The following AURKC variants were observed in gnomAD, a reference collection of about 807,000 sequenced individuals.
AURKC encodes aurora kinase C.
In AURKC, 15 loss-of-function variants were observed where a neutral mutation model predicts 29.2. The observed-to-expected ratio is 0.51, with a 90% CI of 0.34 to 0.79. The LOEUF (loss-of-function observed/expected upper bound fraction) is 0.79, where lower values mean the gene tolerates loss of function less well. Among genes scored for constraint, AURKC ranks in the 30% least tolerant of loss-of-function variants. The pLI is 0.01. For synonymous variants in AURKC, 150 were observed against 149.9 expected (o/e 1.00, Z -0.01); for missense variants, 332 against 383.2 (o/e 0.87, Z 1.12).
rs1294360255 is a variant in AURKC at position 57,232,302 on chromosome 19, AC to A, written c.296+81del. On this transcript the variant is annotated intron_variant, in intron 3 of 6. Coordinates refer to ENST00000302804, the MANE Select transcript of AURKC (RefSeq NM_001015878.2). The surrounding 1 kb of genome is among the most constrained non-coding windows in gnomAD (Gnocchi z 4.5). ...TTCCCCAAATACTAACCCCAAGTAA[AC>A]CCTGCACTTGTACCTTGAAGACTTC... The A allele has an allele frequency of 6.4e-7, 1 of 1,554,384 alleles. No individual in the cohort carries two copies. Among genetic ancestry groups the A allele is most frequent in the African/African-American group, 1.4e-5 (1 of 73,664 alleles).
Position 57,232,707 on chromosome 19 carries a change from G to A in AURKC, c.435+27G>A. The A allele has an allele frequency of 6.2e-7, 1 of 1,612,362 alleles. No homozygotes were observed. Among genetic ancestry groups the A allele is most frequent in the Non-Finnish European group, 8.5e-7 (1 of 1,180,004 alleles). On this transcript the variant is annotated intron_variant, in intron 4 of 6. Transcript: ENST00000302804. The surrounding 1 kb of genome is among the most constrained non-coding windows in gnomAD (Gnocchi z 4.5). The stretch of plus-strand genomic sequence containing the variant: ...TGAGGTGCGGGTCTGGAGGCTCTGG[G>A]GTCTCTGAGTTTACTGTGGGCTGGT...
rs763668016 is a variant in AURKC, at chr19:57,235,266, T to C, written c.779T>C (p.Leu260Pro). Residue 260 changes from leucine to proline, a missense_variant, in exon 7 of 7, where the codon CTA becomes CCA. Transcript: ENST00000302804. Reference sequence around the variant, plus strand: ...CATCAGGTAGATGTGAGGTTTCCACTATCAATGCCTCTGGGGGCCCGGGAC... The same window carrying C: ...CATCAGGTAGATGTGAGGTTTCCACCATCAATGCCTCTGGGGGCCCGGGAC... ...RILKVDVRFPLSMPLGARDLI... is the reference protein window; with the variant it reads ...RILKVDVRFPPSMPLGARDLI... 2 of 1,614,120 alleles carry C rather than the reference T, an allele frequency of 1.2e-6. No homozygotes were observed. The highest frequency in any genetic ancestry group is 8.5e-7 in the Non-Finnish European group (1 of 1,180,040).
chr19:57,233,599 C>T lies in AURKC; in HGVS notation c.575C>T (p.Pro192Leu), dbSNP rs778336053. Reference protein sequence around the residue: ...IADFGWSVHTPSLRRKTMCGT... With the variant: ...IADFGWSVHTLSLRRKTMCGT... Reference sequence around the variant, plus strand: ...GATTTTGGCTGGTCTGTGCACACCCCCTCCCTGAGGTAGGTCAGGTGGTGG... The same window carrying T: ...GATTTTGGCTGGTCTGTGCACACCCTCTCCCTGAGGTAGGTCAGGTGGTGG... The change falls in exon 5 of 7, where the codon CCC becomes CTC. Residue 192 changes from proline to leucine, a missense_variant. Physicochemically the swap from Pro to Leu is moderately conservative, Grantham distance 98. Coordinates refer to ENST00000302804, the MANE Select transcript of AURKC (RefSeq NM_001015878.2). The T allele has an allele frequency of 6.2e-6, 10 of 1,613,746 alleles. No homozygotes were observed. The highest frequency in any genetic ancestry group is 4.2e-6 in the Non-Finnish European group (5 of 1,180,002).
chr19:57,233,416 G>A, intron 4 of AURKC, 44 bp from the exon 5 acceptor site: 1 of 1,613,966 alleles, frequency 6.2e-7, no homozygotes, highest in Non-Finnish European at 8.5e-7. Flanking sequence ...GACGGAAATT[G>A]TGGCAGGCTT....
At position 57,233,524 on chromosome 19, in the gene AURKC, T is replaced by A. The variant is rs776978723; in HGVS notation, c.500T>A (p.Ile167Asn). The change falls in exon 5 of 7, where the codon ATT becomes AAT. Residue 167 changes from isoleucine (I) to asparagine (N), a missense_variant. Ile to Asn is a moderately radical substitution (Grantham distance 149). Transcript: ENST00000302804. ...GACAAGAAAGTGATTCACAGAGATA[T>A]TAAGCCAGAGAACCTGCTGCTGGGG... is the stretch of plus-strand genomic sequence containing the variant. Reference protein sequence around the residue: ...CHDKKVIHRDIKPENLLLGFR... With the variant: ...CHDKKVIHRDNKPENLLLGFR... 2 of 1,614,060 alleles carry A rather than the reference T, an allele frequency of 1.2e-6. No homozygotes were observed. The highest frequency in any genetic ancestry group is 1.7e-6 in the Non-Finnish European group (2 of 1,180,050).
intron 1 of AURKC, 158 bp downstream of exon 1, chr19:57,231,464 T>C: frequency 1.1e-6 from 1 of 898,474 alleles, no homozygotes. Flanking sequence ...AATTCTTTCT[T>C]TCACCTCTCC....
rs1599973438 is a variant in AURKC at position 57,232,758 on chromosome 19, A to G, written c.435+78A>G. 1 of 1,591,684 alleles carries G rather than the reference A, an allele frequency of 6.3e-7. No homozygotes were observed. The highest frequency in any genetic ancestry group is 2.2e-5 in the East Asian group (1 of 44,756). ...GGGAGCTCTGTTTGTGGCTGTCAGG[A>G]GGGTCCGCATTGCCTTCTGAGAAGT... On this transcript the variant is annotated intron_variant, in intron 4 of 6. Transcript: ENST00000302804. The surrounding 1 kb of genome is among the most constrained non-coding windows in gnomAD (Gnocchi z 4.5).
intron 5 of AURKC, 60 bp from the exon 6 acceptor site, chr19:57,234,824 A>G: frequency 1.5e-5 from 24 of 1,603,670 alleles, no homozygotes; most frequent in Non-Finnish European, 2.0e-5. Flanking sequence ...CTGGGGAAGG[A>G]GAATTTCCCT....
intron 4 of AURKC, among the ~76,000 whole-genome samples, chr19:57,233,252 A>G (rs939308665): frequency 1.3e-5 from 2 of 152,210 alleles, no homozygotes; most frequent in African/African-American, 4.8e-5. Flanking sequence ...ATCTGTGTCC[A>G]TGTTACCATC....
chr19:57,234,227 T>C (rs1475544552), intron 5 of AURKC, among the ~76,000 whole-genome samples: 1 of 151,900 alleles, frequency 6.6e-6, no homozygotes, highest in Non-Finnish European at 1.5e-5. Flanking sequence ...CCGGCTGATT[T>C]TGTATTTTTA....
chr19:57,234,396 G>A (rs921789771), intron 5 of AURKC, among the ~76,000 whole-genome samples: 7 of 152,154 alleles, frequency 4.6e-5, no homozygotes, highest in East Asian at 3.9e-4. Context: ...ATATGTATTC[G>A]TAGATTTAAA....
rs757456391 is a variant in AURKC, at chr19:57,235,361, TG to T, written c.877del (p.Val293PhefsTer47). On this transcript the variant is annotated frameshift_variant, in exon 7 of 7. Coordinates refer to ENST00000302804, the MANE Select transcript of AURKC (RefSeq NM_001015878.2). LOFTEE classifies it high-confidence loss of function. ...LPLAQILKHP[W>X]VQAHSRRVLP... is the part of the protein sequence containing the mutation. Reference sequence around the variant, plus strand: ...CCTGGCCCAGATCCTGAAGCACCCCTGGGTTCAGGCCCACTCCCGAAGGGTG... The same window carrying T: ...CCTGGCCCAGATCCTGAAGCACCCCTGGTTCAGGCCCACTCCCGAAGGGTG... 1 of 1,614,108 alleles carries T rather than the reference TG, an allele frequency of 6.2e-7. No individual in the cohort carries two copies. Among genetic ancestry groups the T allele is most frequent in the South Asian group, 1.1e-5 (1 of 91,078 alleles).
At position 57,235,533 on chromosome 19, in the gene AURKC, G is replaced by A; in HGVS notation, c.*116G>A. ...TGTAAGATGCTAATTAATAAAAGCT[G>A]AATCATTTCATACCAGCTCTTCATA... is the stretch of plus-strand genomic sequence containing the variant. On this transcript the variant is annotated 3_prime_UTR_variant, in exon 7 of 7. Coordinates refer to ENST00000302804, the MANE Select transcript of AURKC (RefSeq NM_001015878.2). 7.9e-7 allele frequency: 1 copy of A among 1,260,654 alleles called. No individual in the cohort carries two copies. Among genetic ancestry groups the A allele is most frequent in the Non-Finnish European group, 1.1e-6 (1 of 875,664 alleles). 78.1% of individuals were successfully genotyped at this position (1,260,654 alleles called of 1,614,324 possible).
chr19:57,232,653 G>C lies in AURKC; in HGVS notation c.408G>C (p.Glu136Asp). The C allele has an allele frequency of 6.2e-7, 1 of 1,614,014 alleles. No homozygotes were observed. Among genetic ancestry groups the C allele is most frequent in the Non-Finnish European group, 8.5e-7 (1 of 1,180,036 alleles). The change falls in exon 4 of 7, where the codon GAG (glutamate) becomes GAC (aspartate). Residue 136 changes from glutamate to aspartate, a missense_variant. By Grantham distance (45) the Glu-to-Asp change is conservative. Transcript: ENST00000302804. This position sits in a 1 kb window ranked among gnomAD's most constrained non-coding sequence, Gnocchi z 4.5. ...TCTACAAGGAGCTGCAGAAAAGCGA[G>C]AAATTAGATGAACAGCGCACAGCCA... ...GELYKELQKS[E>D]KLDEQRTATI...
In AURKC at chr19:57,232,136, G is replaced by T; in HGVS notation, c.208G>T (p.Ala70Ser). The T allele has an allele frequency of 3.1e-6, 5 of 1,614,074 alleles. No homozygotes were observed. The highest frequency in any genetic ancestry group is 4.2e-6 in the Non-Finnish European group (5 of 1,180,022). ...ARLKESHFIV[A>S]LKVLFKSQIE... ...GCTCAAGGAAAGCCATTTCATTGTG[G>T]CCCTGAAGGTTCTCTTCAAGTCGCA... The change falls in exon 3 of 7, where the codon GCC becomes TCC. Residue 70 changes from alanine (A) to serine (S), a missense_variant. By Grantham distance (99) the Ala-to-Ser change is moderately conservative (BLOSUM62 1). Transcript: ENST00000302804. The surrounding 1 kb of genome is among the most constrained non-coding windows in gnomAD (Gnocchi z 4.5).
intron 6 of AURKC, 76 bp downstream of exon 6, chr19:57,235,134 C>G: frequency 6.2e-7 from 1 of 1,605,674 alleles, no homozygotes; most frequent in Non-Finnish European, 8.5e-7. Flanking sequence ...CACACACACA[C>G]AGGGTTGTCT....
intron 4 of AURKC, 110 bp from the exon 5 acceptor site, chr19:57,233,350 C>A: frequency 1.3e-6 from 2 of 1,516,468 alleles, no homozygotes; most frequent in Non-Finnish European, 9.1e-7. Flanking sequence ...AATGGAGTTA[C>A]TGGACCAAAA....
intron 2 of AURKC, 76 bp from the exon 3 acceptor site, chr19:57,231,957 G>A (rs1202972369): frequency 9.4e-6 from 15 of 1,601,766 alleles, no homozygotes; most frequent in Admixed American, 8.3e-5. Context: ...AGAGGAAGGG[G>A]AGCATTGGCA....
At chr19:57,231,678 T>G (rs1599971151) in intron 1 of AURKC, 64 bp from the exon 2 acceptor site, 2 of 1,584,422 alleles carry the variant, frequency 1.3e-6, no homozygotes. Context: ...CTCTCCTCTC[T>G]TTCTCTCCCC....
Sources: allele counts gnomAD v4.1 joint callset (sites outside exome capture counted in the v4.1 genomes callset), GRCh38; gene constraint gnomAD v4.1.1; non-coding constraint Gnocchi (gnomAD v3.1); transcripts MANE v1.5; gene names NCBI Gene and HGNC (gene_info 2026-07-23, HGNC 2026-07-21).